Variants in SOHLH1 observed in about 807,000 individuals in gnomAD.
SOHLH1 encodes spermatogenesis- and oogenesis-specific basic helix-loop-helix-containing protein 1.
In SOHLH1, 23 loss-of-function variants were observed where a neutral mutation model predicts 36.2. The observed-to-expected ratio is 0.64, with a 90% confidence interval of 0.46 to 0.90. The LOEUF is 0.90. SOHLH1 is among the 40% of genes least tolerant of loss of function. The pLI is 0.00. For synonymous variants in SOHLH1, 289 were observed against 228.3 expected (o/e 1.27, Z -2.40); for missense variants, 608 against 517.0 (o/e 1.18, Z -1.71).
At chr9:135,700,917 C>T (rs148671325), upstream of SOHLH1, among the ~76,000 whole-genome samples, 186 of 152,250 alleles carry the variant, frequency 1.2e-3, no homozygotes, top group African/African-American at 4.2e-3. Flanking sequence ...TCCCTAAAGC[C>T]CTCGGAATGT....
chr9:135,699,163 C>G, intron 1 of SOHLH1, 37 bp from the exon 2 acceptor site: 1 of 1,563,776 alleles, frequency 6.4e-7, no homozygotes, highest in Non-Finnish European at 8.6e-7. Context: ...CCCTGAGAAC[C>G]CCAGAAAAGG....
intron 2 of SOHLH1, 146 bp from the exon 3 acceptor site, chr9:135,698,622 G>A: frequency 8.4e-7 from 1 of 1,196,620 alleles, no homozygotes; most frequent in Non-Finnish European, 1.2e-6. Context: ...CCCGTGGTCT[G>A]AAGCCCCGAG....
chr9:135,694,995 A>C (rs891540968), intron 6 of SOHLH1, 55 bp downstream of exon 6: 2 of 1,514,408 alleles, frequency 1.3e-6, no homozygotes, highest in African/African-American at 1.4e-5. Flanking sequence ...GGACAGGCTC[A>C]CACACACATG....
At chr9:135,697,730 G>T in intron 3 of SOHLH1, 103 bp from the exon 4 acceptor site, 1 of 1,420,590 alleles carries the variant, frequency 7.0e-7, no homozygotes, top group Non-Finnish European at 9.6e-7. Context: ...GGGTCACTGT[G>T]AGCTCGGTCC....
chr9:135,701,403 T>C (rs1012060980), upstream of SOHLH1, among the ~76,000 whole-genome samples: 3 of 152,214 alleles, frequency 2.0e-5, no homozygotes, highest in Non-Finnish European at 4.4e-5. Flanking sequence ...GTGAGGGGCC[T>C]GGTCCACCCT....
chr9:135,695,390 T>C (rs1326270021), intron 5 of SOHLH1, 127 bp from the exon 6 acceptor site: 20 of 790,086 alleles, frequency 2.5e-5, no homozygotes, highest in Non-Finnish European at 4.0e-5. Flanking sequence ...GCCTGCACCC[T>C]GCAGCAGGGA....
At chr9:135,694,671 T>A (rs940201935) in intron 6 of SOHLH1, among the ~76,000 whole-genome samples, 1 of 152,160 alleles carries the variant, frequency 6.6e-6, no homozygotes, top group African/African-American at 2.4e-5. Flanking sequence ...CGATCCGTCC[T>A]GCAGAGCATC....
chr9:135,701,310 C>A (rs1480820552), upstream of SOHLH1, among the ~76,000 whole-genome samples: 5 of 152,142 alleles, frequency 3.3e-5, no homozygotes, highest in African/African-American at 1.2e-4. Flanking sequence ...ACTGGGGAGG[C>A]CAGGGACCAC....
intron 5 of SOHLH1, 142 bp downstream of exon 5, chr9:135,696,470 C>A: frequency 4.2e-6 from 4 of 949,590 alleles, no homozygotes; most frequent in Non-Finnish European, 6.2e-6. Flanking sequence ...CATCCCTCAA[C>A]ACGTGGGTTT....
chr9:135,695,454 G>A (rs1258706743), intron 5 of SOHLH1, among the ~76,000 whole-genome samples, 191 bp from the exon 6 acceptor site: 1 of 152,080 alleles, frequency 6.6e-6, no homozygotes, highest in Non-Finnish European at 1.5e-5. Context: ...AGGAAAAGAT[G>A]AACACCCAGA....
rs1588235593 is a variant in SOHLH1 at position 135,699,125 on chromosome 9, C to A, written c.67G>T (p.Gly23Cys). Residue 23 changes from glycine to cysteine, a missense_variant and splice_region_variant, in exon 2 of 8, where the codon GGC (glycine) becomes TGC (cysteine). Coordinates refer to ENST00000425225, the MANE Select transcript of SOHLH1 (RefSeq NM_001101677.2). ...CAGGAGAGGGCACCAGACAGGGAGC[C>A]GCTGCCGAGAAAGCCAAGAGCACCG... ...SRIPTVRGCNGSLSGALSCCE... is the reference protein window; with the variant it reads ...SRIPTVRGCNCSLSGALSCCE... 6.3e-7 allele frequency: 1 copy of A among 1,597,648 alleles called. No individual in the cohort carries two copies.
At chr9:135,694,898 C>T in intron 6 of SOHLH1, 152 bp downstream of exon 6, 1 of 877,992 alleles carries the variant, frequency 1.1e-6, no homozygotes, top group African/African-American at 1.6e-5. Flanking sequence ...GGGCTGTGGC[C>T]TTGGCCTCCC....
chr9:135,699,628 C>G (rs1834964937), upstream of SOHLH1: 1 of 756,208 alleles, frequency 1.3e-6, no homozygotes, highest in Non-Finnish European at 2.2e-6. Flanking sequence ...GCCCTCCCCA[C>G]GCAGCCAGCC....
At chr9:135,698,523 C>T (rs1458254717) in intron 2 of SOHLH1, 47 bp from the exon 3 acceptor site, 1 of 1,612,488 alleles carries the variant, frequency 6.2e-7, no homozygotes, top group Admixed American at 1.7e-5. Flanking sequence ...CCTGCCCTCC[C>T]CGAGAAGGGA....
rs200599246 is a variant in SOHLH1 at position 135,697,600 on chromosome 9, G to A, written c.373C>T (p.His125Tyr). Residue 125 changes from histidine to tyrosine, a missense_variant, in exon 4 of 8, where the codon CAC becomes TAC. His to Tyr is a moderately conservative substitution (Grantham distance 83). Transcript: ENST00000425225. ...AILASSKEMW[H>Y]SLQEDVLQLT... The stretch of plus-strand genomic sequence containing the variant: ...TGTAAAACATCCTCCTGCAACGAGT[G>A]CCACATTTCCTTGGAGGAAGCAAGA... The A allele has an allele frequency of 1.2e-5, 20 of 1,612,358 alleles. No homozygotes were observed. Among genetic ancestry groups the A allele is most frequent in the Middle Eastern group, 1.7e-4 (1 of 6,060 alleles).
upstream of SOHLH1, among the ~76,000 whole-genome samples, chr9:135,700,373 A>C (rs1386454996): frequency 6.6e-6 from 1 of 151,466 alleles, no homozygotes; most frequent in African/African-American, 2.4e-5. Context: ...GACGGAGGGA[A>C]GGGGGAGGTG....
Position 135,696,636 on chromosome 9 carries a change from G to C in SOHLH1, c.637C>G (p.Arg213Gly). The change falls in exon 5 of 8, where the codon CGG (arginine) becomes GGG (glycine). Residue 213 changes from arginine (R) to glycine (G), a missense_variant. Arg to Gly is a moderately radical substitution (Grantham distance 125, BLOSUM62 -2). Transcript: ENST00000425225. ...CEALLGLCQV[R>G]GGLPPFSEPS... ...CCTGAGAAAGGGGGCAGCCCACCCC[G>C]CACCTGGCACAGCCCCAACAGTGCC... The C allele has an allele frequency of 6.2e-7, 1 of 1,612,516 alleles. No individual in the cohort carries two copies. The highest frequency in any genetic ancestry group is 8.5e-7 in the Non-Finnish European group (1 of 1,179,734).
intron 1 of SOHLH1, 114 bp from the exon 2 acceptor site, chr9:135,699,240 C>T: frequency 6.6e-7 from 1 of 1,519,672 alleles, no homozygotes; most frequent in Non-Finnish European, 8.9e-7. Context: ...GACTGGGTCA[C>T]GTAGGGACAC....
upstream of SOHLH1, chr9:135,699,629 G>C (rs192752105): frequency 9.4e-4 from 675 of 721,644 alleles, 6 homozygotes; most frequent in African/African-American, 0.013. Context: ...CCCTCCCCAC[G>C]CAGCCAGCCC....
Sources: allele counts gnomAD v4.1 joint callset (sites outside exome capture counted in the v4.1 genomes callset), GRCh38; gene constraint gnomAD v4.1.1; transcripts MANE v1.5; gene names NCBI Gene and HGNC (gene_info 2026-07-23, HGNC 2026-07-21).